TTC28: variants seen among roughly 807,000 people sequenced by gnomAD.
TTC28 encodes the protein tetratricopeptide repeat protein 28.
Under a neutral mutation model 198.0 loss-of-function variants are expected in TTC28, and 61 were observed. The ratio of observed to expected loss-of-function variants is 0.31; its 90% CI spans 0.25 to 0.38. TTC28 has a LOEUF of 0.38. Ranked by LOEUF, TTC28 falls within the 10% of genes least tolerant of loss-of-function variation. TTC28 has a pLI of 1.00. For missense variants in TTC28, 2,678 were observed against 3,164.0 expected (o/e 0.85, Z 3.69); for synonymous variants, 1,171 against 1,297.8 (o/e 0.90, Z 2.10).
intron 1 of TTC28, among the ~76,000 whole-genome samples, chr22:28,641,757 C>G (rs1337421899): frequency 6.6e-6 from 1 of 152,006 alleles, no homozygotes; most frequent in African/African-American, 2.4e-5. Flanking sequence ...TGAAAGAAAA[C>G]TATCCCAGAC....
rs1309510305 is a variant in TTC28 at position 28,105,418 on chromosome 22, A to G, written c.3168T>C (p.Ala1056=). 3 of 1,551,716 alleles carry G rather than the reference A, an allele frequency of 1.9e-6. No individual in the cohort carries two copies. The highest frequency in any genetic ancestry group is 1.2e-5 in the South Asian group (1 of 84,054). The stretch of plus-strand genomic sequence containing the variant: ...TCAAGTGCTGTTCTTGATAGACCAC[A>G]GCCCTCTCGAAGGTGCCCAGGGATT... ...TYESLGTFER[A]VVYQEQHLSI... Residue 1056 remains alanine (A), a synonymous_variant, in exon 8 of 23, where the codon GCT becomes GCC. Coordinates refer to ENST00000397906, the MANE Select transcript of TTC28 (RefSeq NM_001145418.2).
intron 14 of TTC28, among the ~76,000 whole-genome samples, chr22:28,009,569 G>A (rs988007055): frequency 6.6e-6 from 1 of 152,222 alleles, no homozygotes; most frequent in Non-Finnish European, 1.5e-5. Context: ...AATGATCCAG[G>A]CCTTCCCCTC....
chr22:28,620,729 C>T (rs2050981294), intron 2 of TTC28, among the ~76,000 whole-genome samples: 1 of 152,146 alleles, frequency 6.6e-6, no homozygotes, highest in Non-Finnish European at 1.5e-5. Context: ...GGGCGTTGTG[C>T]CTGCTGACTT....
chr22:28,245,865 G>C (rs1029789592), intron 5 of TTC28, among the ~76,000 whole-genome samples: 2 of 152,080 alleles, frequency 1.3e-5, no homozygotes, highest in Non-Finnish European at 2.9e-5. Flanking sequence ...CCCCCTATAC[G>C]AACTTTTCAC....
At chr22:28,359,065 A>C (rs1157702288) in intron 2 of TTC28, among the ~76,000 whole-genome samples, 2 of 152,202 alleles carry the variant, frequency 1.3e-5, no homozygotes, top group Admixed American at 1.3e-4. Flanking sequence ...AACTTTAAAA[A>C]TGAGATTACA....
chr22:27,990,848 A>G (rs761688946), intron 19 of TTC28, 36 bp from the exon 20 acceptor site: 3 of 1,540,836 alleles, frequency 1.9e-6, no homozygotes, highest in African/African-American at 2.7e-5. Context: ...AGAAAGAAAG[A>G]GAGAAAGAAG....
At position 27,999,087 on chromosome 22, in the gene TTC28, C is replaced by T. The variant is rs1265533187; in HGVS notation, c.4572G>A (p.Val1524=). ...CCCTCTCCTTGGTGGCCACACTGCC[C>T]ACTAGGGGCTGGCAGCCCAGCAGCT... is the stretch of plus-strand genomic sequence containing the variant. ...VSELLGCQPL[V]GSVATKERVM... Residue 1524 remains valine, a synonymous_variant, in exon 16 of 23, where the codon GTG becomes GTA. Transcript: ENST00000397906. The T allele has an allele frequency of 1.9e-6, 3 of 1,550,644 alleles. No individual in the cohort carries two copies. The highest frequency in any genetic ancestry group is 3.9e-5 in the Admixed American group (2 of 51,010).
intron 11 of TTC28, among the ~76,000 whole-genome samples, chr22:28,094,513 C>A (rs991845154): frequency 1.3e-5 from 2 of 152,286 alleles, no homozygotes; most frequent in South Asian, 4.1e-4. Flanking sequence ...GGAATTATGA[C>A]TACTTCATAT....
chr22:28,528,592 C>T (rs969223522), intron 2 of TTC28, among the ~76,000 whole-genome samples: 8 of 151,266 alleles, frequency 5.3e-5, no homozygotes, highest in Non-Finnish European at 7.4e-5. Flanking sequence ...AAAAATTACC[C>T]GGGAATGGTG....
At chr22:28,296,463 T>C (rs2044898510) in intron 4 of TTC28, 135 bp from the exon 5 acceptor site, 4 of 850,858 alleles carry the variant, frequency 4.7e-6, no homozygotes, top group African/African-American at 1.7e-5. Flanking sequence ...ATTAGAAAAG[T>C]ATTTGTTTCT....
intron 2 of TTC28, among the ~76,000 whole-genome samples, chr22:28,381,512 C>G (rs1569293845): frequency 6.6e-6 from 1 of 152,222 alleles, no homozygotes; most frequent in Middle Eastern, 3.4e-3. Context: ...TTTTAGTAAC[C>G]TGGCATTTTT....
intron 1 of TTC28, among the ~76,000 whole-genome samples, chr22:28,663,363 T>A (rs1454633610): frequency 6.6e-6 from 1 of 150,894 alleles, no homozygotes; most frequent in Non-Finnish European, 1.5e-5. Context: ...GACGGGTGAT[T>A]TCTGCATTTC....
chr22:27,996,077 C>A (rs1937546111), intron 17 of TTC28, 58 bp downstream of exon 17: 2 of 1,514,968 alleles, frequency 1.3e-6, no homozygotes, highest in Admixed American at 2.0e-5. Context: ...CCCTTGCCTT[C>A]CCCTTCTCTC....
intron 12 of TTC28, among the ~76,000 whole-genome samples, chr22:28,039,140 T>C (rs953607664): frequency 6.6e-6 from 1 of 152,160 alleles, no homozygotes; most frequent in Non-Finnish European, 1.5e-5. Context: ...GAACTAGAAA[T>C]ACCATTTGAC....
rs138439274 is a variant in TTC28, at chr22:28,373,462, G to A, written c.382-66819C>T. Among the ~76,000 whole-genome samples the A allele has an allele frequency of 4.9e-4, 74 of 152,242 alleles. 1 individual carries two copies. In the East Asian group the frequency reaches 0.013, roughly 26 times the overall value. On this transcript the variant is annotated intron_variant, in intron 2 of 22. Coordinates refer to ENST00000397906, the MANE Select transcript of TTC28 (RefSeq NM_001145418.2). ...GGCTATTAGCAGAATTCATCTATTG[G>A]AGAAGAGATAGTGAAGAAGTTCAGA...
chr22:28,677,558 G>C (rs1424596944), intron 1 of TTC28, among the ~76,000 whole-genome samples: 2 of 152,116 alleles, frequency 1.3e-5, no homozygotes, highest in African/African-American at 4.8e-5. Flanking sequence ...AGAATCGCTG[G>C]AATCTGGGAG....
intron 5 of TTC28, among the ~76,000 whole-genome samples, chr22:28,191,064 A>G (rs1924695427): frequency 1.3e-5 from 2 of 152,160 alleles, no homozygotes; most frequent in African/African-American, 2.4e-5. Context: ...CCTTTTTAGT[A>G]TCATCTCCCT....
intron 2 of TTC28, among the ~76,000 whole-genome samples, chr22:28,446,147 T>C (rs1330810984): frequency 1.3e-5 from 2 of 152,062 alleles, no homozygotes; most frequent in African/African-American, 2.4e-5. Context: ...AATACAAGTA[T>C]GGGAATGTTA....
chr22:27,996,120 GCCCGAC>G lies in TTC28; in HGVS notation c.5244+9_5244+14del. On this transcript the variant is annotated intron_variant, in intron 17 of 22. Coordinates refer to ENST00000397906, the MANE Select transcript of TTC28 (RefSeq NM_001145418.2). ...TGCCAGCTCTCGTTGAGTGCAGGGT[GCCCGAC>G]CCCCTTACCAGGTGCAGCAGCACTC... 1 of 1,545,144 alleles carries G rather than the reference GCCCGAC, an allele frequency of 6.5e-7. No homozygotes were observed. Among genetic ancestry groups the G allele is most frequent in the Non-Finnish European group, 8.7e-7 (1 of 1,146,144 alleles).
Sources: gnomAD v4.1 joint callset for allele counts (sites outside exome capture counted in the v4.1 genomes callset) on GRCh38, gnomAD v4.1.1 for gene constraint, MANE v1.5 for transcripts, NCBI Gene and HGNC (gene_info 2026-07-23, HGNC 2026-07-21) for gene names.